Variants in FGGY observed in about 807,000 individuals in gnomAD.
FGGY encodes FGGY carbohydrate kinase domain-containing protein.
FGGY carries 72 observed loss-of-function variants against 71.3 expected under a neutral mutation model. That is an observed-to-expected ratio of 1.01 (90% CI 0.84 to 1.23). FGGY has a LOEUF of 1.23. Ranked by LOEUF, FGGY falls within the 50% of genes most tolerant of loss-of-function variation. The pLI, the probability that FGGY is intolerant of heterozygous loss-of-function variation, is 0.00. For missense variants in FGGY, 668 were observed against 682.3 expected, an observed-to-expected ratio of 0.98 and a Z score of 0.23; for synonymous variants, 251 against 250.3, an observed-to-expected ratio of 1.00 and a Z score of -0.02.
At chr1:59,612,064 GA>G (rs2096688226) in intron 9 of FGGY, among the ~76,000 whole-genome samples, 1 of 152,182 alleles carries the variant, frequency 6.6e-6, no homozygotes. Context: ...AACCAACTGG[GA>G]AAACACTCTG....
chr1:59,611,323 G>A (rs1159158325), intron 9 of FGGY, among the ~76,000 whole-genome samples: 1 of 152,186 alleles, frequency 6.6e-6, no homozygotes, highest in African/African-American at 2.4e-5. Context: ...AGCTTACAGA[G>A]GAAGGATCAG....
intron 14 of FGGY, chr1:59,755,826 G>A (rs568260247): frequency 6.6e-5 from 10 of 152,164 alleles, no homozygotes; most frequent in Admixed American, 3.3e-4. Context: ...TCTCAAGTGT[G>A]GGGCCAAAGC....
At chr1:59,757,147 A>G (rs1485179078) in intron 14 of FGGY, among the ~76,000 whole-genome samples, 1 of 152,132 alleles carries the variant, frequency 6.6e-6, no homozygotes. Flanking sequence ...TGTTGCTTGC[A>G]ATCTTCCCTG....
At chr1:59,350,058 G>A (rs1306102601) in intron 4 of FGGY, among the ~76,000 whole-genome samples, 2 of 152,274 alleles carry the variant, frequency 1.3e-5, no homozygotes, top group African/African-American at 4.8e-5. Flanking sequence ...TATGATGGGA[G>A]ACACAGGAAA....
At chr1:59,503,519 A>G (rs1192250340) in intron 6 of FGGY, among the ~76,000 whole-genome samples, 1 of 150,086 alleles carries the variant, frequency 6.7e-6, no homozygotes, top group African/African-American at 2.5e-5. Context: ...AGCATCTGCT[A>G]TGTGTAATGA....
At chr1:59,372,779 C>A (rs1456063228) in intron 4 of FGGY, among the ~76,000 whole-genome samples, 4 of 152,076 alleles carry the variant, frequency 2.6e-5, no homozygotes, top group Admixed American at 2.6e-4. Context: ...AAATGTAATC[C>A]AGCATATAAA....
chr1:59,738,638 A>T (rs2098124003), intron 14 of FGGY, among the ~76,000 whole-genome samples: 1 of 152,228 alleles, frequency 6.6e-6, no homozygotes, highest in Non-Finnish European at 1.5e-5. Context: ...GAAACTGGTT[A>T]TTCTGGGAAA....
At chr1:59,699,299 G>C (rs1475665638) in intron 14 of FGGY, 2 of 984,500 alleles carry the variant, frequency 2.0e-6, no homozygotes, top group Non-Finnish European at 2.4e-6. Context: ...AATTCAATTA[G>C]AGATACTAAA....
intron 9 of FGGY, among the ~76,000 whole-genome samples, chr1:59,615,253 T>A (rs938954953): frequency 1.3e-5 from 2 of 152,124 alleles, no homozygotes; most frequent in African/African-American, 4.8e-5. Context: ...CAAACTATAC[T>A]ACAAGGCTAC....
At chr1:59,552,668 T>G (rs1195508936) in intron 7 of FGGY, among the ~76,000 whole-genome samples, 2 of 152,122 alleles carry the variant, frequency 1.3e-5, no homozygotes, top group Non-Finnish European at 2.9e-5. Context: ...AGACTGAACT[T>G]CCTTGGGCCC....
intron 7 of FGGY, among the ~76,000 whole-genome samples, chr1:59,534,294 A>G (rs1387967811): frequency 2.0e-5 from 3 of 152,216 alleles, no homozygotes; most frequent in African/African-American, 4.8e-5. Context: ...AAGAATAAAA[A>G]GAAACGAACA....
At chr1:59,576,665 G>GACACAC (rs1204594891) in intron 8 of FGGY, among the ~76,000 whole-genome samples, 28 of 134,534 alleles carry the variant, frequency 2.1e-4, no homozygotes, top group African/African-American at 7.2e-4. Flanking sequence ...CAGACAGACA[G>GACACAC]ACAGACAGAC....
rs5774461 is a variant in FGGY at position 59,419,831 on chromosome 1, A to AT, written c.555-37121dup. Among the ~76,000 whole-genome samples the AT allele has an allele frequency of 5.9e-5, 9 of 151,616 alleles. No individual in the cohort carries two copies. The South Asian group carries it at 8.3e-4, about 14-fold the overall frequency. On this transcript the variant is annotated intron_variant, in intron 5 of 15. Coordinates refer to ENST00000303721, the MANE Select transcript of FGGY (RefSeq NM_018291.5). Reference sequence around the variant, plus strand: ...ACACATGCAAATTATGTGTCAATGGATTTTTTTTTCAACATGCTAATCCTA... The same window carrying AT: ...ACACATGCAAATTATGTGTCAATGGATTTTTTTTTTCAACATGCTAATCCTA...
intron 4 of FGGY, among the ~76,000 whole-genome samples, chr1:59,372,706 C>T (rs1447713956): frequency 1.3e-5 from 2 of 152,148 alleles, no homozygotes; most frequent in African/African-American, 4.8e-5. Flanking sequence ...AAAAGCTTAT[C>T]CACCATGATC....
intron 12 of FGGY, 85 bp downstream of exon 12, chr1:59,660,378 CT>C: frequency 1.1e-6 from 1 of 922,418 alleles, no homozygotes; most frequent in Non-Finnish European, 1.6e-6. Flanking sequence ...ACAGCACATG[CT>C]TTTGTGACAG....
chr1:59,515,354 T>C (rs760541644), intron 7 of FGGY, among the ~76,000 whole-genome samples: 2 of 152,196 alleles, frequency 1.3e-5, no homozygotes, highest in East Asian at 3.9e-4. Flanking sequence ...ACTTGTTTTT[T>C]ATTTTACAGG....
At chr1:59,459,173 C>CGAG (rs2091971652) in intron 6 of FGGY, among the ~76,000 whole-genome samples, 1 of 152,204 alleles carries the variant, frequency 6.6e-6, no homozygotes, top group South Asian at 2.1e-4. Context: ...GAAAACTGAA[C>CGAG]ACCTCAGCAA....
At chr1:59,532,131 A>C (rs2095162353) in intron 7 of FGGY, among the ~76,000 whole-genome samples, 1 of 152,232 alleles carries the variant, frequency 6.6e-6, no homozygotes, top group Non-Finnish European at 1.5e-5. Flanking sequence ...TTATAGGAGA[A>C]GATGGAGAAT....
chr1:59,365,953 G>A (rs2056506637), intron 4 of FGGY, among the ~76,000 whole-genome samples: 1 of 152,200 alleles, frequency 6.6e-6, no homozygotes, highest in Non-Finnish European at 1.5e-5. Flanking sequence ...CTGTTAAGTG[G>A]TGAGGACGGC....
Sources: allele counts gnomAD v4.1 joint callset (sites outside exome capture counted in the v4.1 genomes callset), GRCh38; gene constraint gnomAD v4.1.1; transcripts MANE v1.5; gene names NCBI Gene and HGNC (gene_info 2026-07-23, HGNC 2026-07-21).